Variants in DOCK9 observed in about 807,000 individuals in gnomAD.
DOCK9 encodes dedicator of cytokinesis protein 9.
DOCK9 carries 89 observed loss-of-function variants against 263.3 expected under a neutral mutation model. That is an observed-to-expected ratio of 0.34 (90% confidence interval 0.28 to 0.40). The LOEUF (loss-of-function observed/expected upper bound fraction) is 0.40. Ranked by LOEUF, DOCK9 falls within the 10% of genes least tolerant of loss-of-function variation. DOCK9 has a pLI of 1.00. For synonymous variants in DOCK9, 976 were observed against 973.1 expected (o/e 1.00, Z -0.06); for missense variants, 2,140 against 2,603.4 (o/e 0.82, Z 3.87).
intron 45 of DOCK9, among the ~76,000 whole-genome samples, chr13:98,821,704 GCTGGAAAGGAGT>G (rs1483310930): frequency 6.6e-6 from 1 of 152,176 alleles, no homozygotes; most frequent in Non-Finnish European, 1.5e-5. Flanking sequence ...ATCAAAAGCA[GCTGGAAAGGAGT>G]CTGCTCTTCG....
At chr13:98,880,033 T>C in intron 26 of DOCK9, 64 bp from the exon 27 acceptor site, 3 of 1,253,760 alleles carry the variant, frequency 2.4e-6, no homozygotes, top group Non-Finnish European at 3.4e-6. Flanking sequence ...ACATGAACTC[T>C]CTCAGGCTGA....
rs768253865 is a variant in DOCK9 at position 99,015,574 on chromosome 13, C to T, written c.130-60023G>A. ...GTTTCTTTCAAAAACGGTGCGGATG[C>T]CTTTAAACAGAATCACACTAGTAGT... On this transcript the variant is annotated intron_variant, in intron 1 of 32. Coordinates refer to the DOCK9 transcript ENST00000427887. 3.4e-5 allele frequency: 55 copies of T among 1,597,800 alleles called. No homozygotes were observed. The South Asian group carries it at 4.8e-4, about 14-fold the overall frequency.
intron 1 of DOCK9, among the ~76,000 whole-genome samples, chr13:98,975,873 A>C (rs4772164): frequency 0.23 from 35,484 of 151,990 alleles, 4,180 homozygotes; most frequent in Middle Eastern, 0.3. Context: ...CATTCGAACA[A>C]TGAATAGTAC....
At chr13:98,993,567 A>G (rs1567181674) in intron 1 of DOCK9, among the ~76,000 whole-genome samples, 1 of 152,174 alleles carries the variant, frequency 6.6e-6, no homozygotes, top group East Asian at 1.9e-4. Flanking sequence ...GAAGGCAGTA[A>G]CTATGGAAAA....
At chr13:98,832,751 T>C (rs561141319) in intron 39 of DOCK9, among the ~76,000 whole-genome samples, 1 of 152,330 alleles carries the variant, frequency 6.6e-6, no homozygotes, top group East Asian at 1.9e-4. Context: ...CAAAGCTCTG[T>C]TGGGGAACGA....
intron 1 of DOCK9, among the ~76,000 whole-genome samples, chr13:99,068,781 C>T (rs2041543963): frequency 1.3e-5 from 2 of 151,814 alleles, no homozygotes; most frequent in African/African-American, 4.8e-5. Flanking sequence ...AAAATGAACA[C>T]AGTAAAAGCC....
At chr13:98,900,313 A>G (rs2048081640) in intron 13 of DOCK9, among the ~76,000 whole-genome samples, 1 of 152,236 alleles carries the variant, frequency 6.6e-6, no homozygotes, top group Non-Finnish European at 1.5e-5. Flanking sequence ...GGCAGAAGTA[A>G]CAAAGTTGCT....
chr13:98,889,266 A>G (rs1414885508), intron 15 of DOCK9, among the ~76,000 whole-genome samples: 4 of 152,172 alleles, frequency 2.6e-5, no homozygotes, highest in Non-Finnish European at 4.4e-5. Flanking sequence ...GGGTGAGGGA[A>G]AAAAGACTAC....
chr13:99,055,458 G>C (rs1296673493), intron 1 of DOCK9, among the ~76,000 whole-genome samples: 1 of 152,124 alleles, frequency 6.6e-6, no homozygotes, highest in Non-Finnish European at 1.5e-5. Flanking sequence ...GCGGGGAAGG[G>C]GGCATCGCAC....
intron 1 of DOCK9, among the ~76,000 whole-genome samples, chr13:98,991,086 T>C (rs1292582865): frequency 6.6e-6 from 1 of 151,638 alleles, no homozygotes; most frequent in Admixed American, 6.6e-5. Context: ...TTCTTTTTTT[T>C]TTTGAGATGG....
intron 9 of DOCK9, among the ~76,000 whole-genome samples, chr13:98,910,782 C>G (rs1287718465): frequency 6.6e-6 from 1 of 152,158 alleles, no homozygotes; most frequent in African/African-American, 2.4e-5. Flanking sequence ...CAGCCTGACC[C>G]TTTCTTGCAC....
At chr13:98,953,819 A>T (rs1323275398) in intron 2 of DOCK9, among the ~76,000 whole-genome samples, 1 of 152,246 alleles carries the variant, frequency 6.6e-6, no homozygotes, top group African/African-American at 2.4e-5. Context: ...ATTGTTTGGC[A>T]TGACCTCAAC....
chr13:98,927,027 C>A (rs145553994), intron 3 of DOCK9, among the ~76,000 whole-genome samples: 1 of 152,216 alleles, frequency 6.6e-6, no homozygotes, highest in Non-Finnish European at 1.5e-5. Flanking sequence ...GCAGCAAGTG[C>A]TTATTTTGTG....
At chr13:98,979,235 C>T (rs865985205), upstream of DOCK9, among the ~76,000 whole-genome samples, 3,397 of 108,258 alleles carry the variant, frequency 0.031, 65 homozygotes, top group South Asian at 0.081. Context: ...GTAGTAGCAG[C>T]AGCGGCGGCA....
rs116070166 is a variant in DOCK9 at position 99,010,870 on chromosome 13, G to C, written c.130-55319C>G. ...AGCCATCCTTAGTGATGGTAAAAAG[G>C]CTTTTTCTTCACTATATGCTTCTCT... On this transcript the variant is annotated intron_variant, in intron 1 of 32. Coordinates refer to the DOCK9 transcript ENST00000427887. Among the ~76,000 whole-genome samples, 998 of 152,258 alleles carry C rather than the reference G, an allele frequency of 6.6e-3. 14 individuals carry two copies. The highest frequency in any genetic ancestry group is 0.023 in the African/African-American group (937 of 41,540).
intron 27 of DOCK9, among the ~76,000 whole-genome samples, chr13:98,869,618 G>A (rs540687068): frequency 6.6e-6 from 1 of 152,330 alleles, no homozygotes; most frequent in South Asian, 2.1e-4. Context: ...GAAAACTGAG[G>A]CTTAGAGAGC....
chr13:98,821,473 T>G (rs1242610115), intron 45 of DOCK9, among the ~76,000 whole-genome samples: 2 of 152,164 alleles, frequency 1.3e-5, no homozygotes, highest in African/African-American at 4.8e-5. Context: ...CTCTGAACTT[T>G]TAAAAACAGT....
intron 5 of DOCK9, among the ~76,000 whole-genome samples, chr13:98,922,637 G>C (rs1361931906): frequency 6.6e-6 from 1 of 152,172 alleles, no homozygotes; most frequent in Non-Finnish European, 1.5e-5. Flanking sequence ...AGTGATGGGG[G>C]GAATAAAAAT....
At chr13:99,069,131 G>A (rs985132755) in intron 1 of DOCK9, among the ~76,000 whole-genome samples, 5 of 152,176 alleles carry the variant, frequency 3.3e-5, no homozygotes, top group African/African-American at 9.7e-5. Context: ...TAGGTTAATA[G>A]GCCTAGGGAG....
Sources: gnomAD v4.1 joint callset for allele counts (sites outside exome capture counted in the v4.1 genomes callset) on GRCh38, gnomAD v4.1.1 for gene constraint, MANE v1.5 for transcripts, NCBI Gene and HGNC (gene_info 2026-07-23, HGNC 2026-07-21) for gene names.